TAMM41: variants seen among roughly 807,000 people sequenced by gnomAD.
TAMM41 encodes the protein TAM41 mitochondrial translocator assembly and maintenance homolog, also known as phosphatidate cytidylyltransferase, mitochondrial.
A neutral mutation model predicts 44.1 loss-of-function variants in TAMM41; 36 were observed. The ratio of observed to expected loss-of-function variants is 0.82; its 90% CI spans 0.63 to 1.08. The LOEUF (loss-of-function observed/expected upper bound fraction) is 1.08. Among genes scored for constraint, TAMM41 ranks in the 50% least tolerant of loss-of-function variants. TAMM41 has a pLI of 0.00. For missense variants in TAMM41, 417 were observed against 404.3 expected (o/e 1.03, Z -0.27); for synonymous variants, 164 against 153.1 (o/e 1.07, Z -0.53).
At chr3:11,798,996 C>T (rs577104041) in intron 7 of TAMM41, among the ~76,000 whole-genome samples, 23 of 152,272 alleles carry the variant, frequency 1.5e-4, no homozygotes, top group Admixed American at 9.8e-4. Context: ...GGGAGGATCA[C>T]TTGAGCCCAG....
chr3:11,814,086 G>C (rs1285679994), intron 5 of TAMM41, among the ~76,000 whole-genome samples: 1 of 152,094 alleles, frequency 6.6e-6, no homozygotes, highest in Admixed American at 6.5e-5. Flanking sequence ...GCTGAGGTGA[G>C]AGGATCACTT....
chr3:11,814,251 A>G (rs2078201907), intron 5 of TAMM41, among the ~76,000 whole-genome samples: 1 of 152,142 alleles, frequency 6.6e-6, no homozygotes, highest in Non-Finnish European at 1.5e-5. Flanking sequence ...AAAAGCTTCT[A>G]ACATAACAGA....
chr3:11,735,531 G>C, the TAMM41 span, among the ~76,000 whole-genome samples: 1 of 151,274 alleles, frequency 6.6e-6, no homozygotes, highest in Non-Finnish European at 1.5e-5. Flanking sequence ...CTACTTGGGG[G>C]TGCTGAGGCG....
the TAMM41 span, among the ~76,000 whole-genome samples, chr3:11,742,832 G>A: frequency 1.3e-5 from 2 of 152,086 alleles, no homozygotes; most frequent in East Asian, 1.9e-4. Context: ...CAGGACTCAA[G>A]CGATCTTCCT....
chr3:11,808,624 C>T (rs2077991336), intron 6 of TAMM41: 1 of 985,202 alleles, frequency 1.0e-6, no homozygotes, highest in Non-Finnish European at 1.2e-6. Context: ...GACAGAGGGA[C>T]TCATTCTCAA....
the TAMM41 span, among the ~76,000 whole-genome samples, chr3:11,777,432 T>C: frequency 4.6e-5 from 7 of 152,216 alleles, no homozygotes; most frequent in South Asian, 2.1e-4. Context: ...AGAAGCAGCA[T>C]TGAAAAACTT....
At chr3:11,822,370 T>C (rs1193341241) in intron 4 of TAMM41, among the ~76,000 whole-genome samples, 2 of 152,236 alleles carry the variant, frequency 1.3e-5, no homozygotes, top group African/African-American at 4.8e-5. Flanking sequence ...TAATTCTGTT[T>C]ACAGAGTTGT....
the TAMM41 span, among the ~76,000 whole-genome samples, chr3:11,729,534 CTTTCATTT>C: frequency 2.3e-5 from 1 of 43,044 alleles, no homozygotes; most frequent in African/African-American, 9.0e-5. Context: ...TCTTTTCTTT[CTTTCATTT>C]TTTTTTTTTT....
At chr3:11,805,190 C>T (rs1251157789) in intron 7 of TAMM41, among the ~76,000 whole-genome samples, 4 of 152,036 alleles carry the variant, frequency 2.6e-5, no homozygotes, top group African/African-American at 7.2e-5. Flanking sequence ...TTAGTAGAGA[C>T]GGGGTTTCAC....
At chr3:11,781,758 AATAATAATAATAATAATAATAATC>A in the TAMM41 span, among the ~76,000 whole-genome samples, 10 of 122,416 alleles carry the variant, frequency 8.2e-5, no homozygotes, top group South Asian at 3.0e-4. Context: ...TAATAATAAT[AATAATAATAATAATAATAATAATC>A]ATACAAATAA....
intron 2 of TAMM41, among the ~76,000 whole-genome samples, chr3:11,842,309 G>A (rs570004322): frequency 4.0e-5 from 6 of 150,580 alleles, no homozygotes; most frequent in East Asian, 2.0e-4. Flanking sequence ...CAGGAGAATC[G>A]CTTGAACCTG....
the TAMM41 span, among the ~76,000 whole-genome samples, chr3:11,734,916 G>A: frequency 1.3e-5 from 2 of 151,136 alleles, no homozygotes; most frequent in Non-Finnish European, 2.9e-5. Context: ...AGGTGTGGTG[G>A]CGGGCGCCTG....
intron 3 of TAMM41, chr3:11,832,943 G>A (rs1352540996): frequency 1.0e-6 from 1 of 991,896 alleles, no homozygotes; most frequent in Non-Finnish European, 1.2e-6. Context: ...TACATAGGCT[G>A]TAAGAAAGCA....
At chr3:11,762,125 C>A in the TAMM41 span, among the ~76,000 whole-genome samples, 2 of 151,994 alleles carry the variant, frequency 1.3e-5, no homozygotes, top group East Asian at 3.9e-4. Context: ...CCCTGCAGGC[C>A]CATTCGTCAC....
chr3:11,821,324 C>A (rs543801840), intron 4 of TAMM41, among the ~76,000 whole-genome samples: 1 of 152,202 alleles, frequency 6.6e-6, no homozygotes. Flanking sequence ...TATTTTCCTG[C>A]AACTAGACAG....
intron 3 of TAMM41, among the ~76,000 whole-genome samples, chr3:11,838,732 C>T (rs1259378547): frequency 2.6e-5 from 4 of 152,088 alleles, no homozygotes; most frequent in African/African-American, 7.2e-5. Flanking sequence ...ACTGCCTATG[C>T]ACAACTGATT....
At chr3:11,732,462 A>G in the TAMM41 span, among the ~76,000 whole-genome samples, 1 of 152,172 alleles carries the variant, frequency 6.6e-6, no homozygotes, top group Admixed American at 6.5e-5. Context: ...TCTAACACGG[A>G]GGTGTTGGGG....
intron 2 of TAMM41, among the ~76,000 whole-genome samples, chr3:11,841,087 T>A (rs1274004172): frequency 7.1e-6 from 1 of 141,782 alleles, no homozygotes; most frequent in African/African-American, 2.6e-5. Flanking sequence ...TTTTTTTTTT[T>A]TTTTTTTTTT....
the TAMM41 span, among the ~76,000 whole-genome samples, chr3:11,734,631 A>C: frequency 6.6e-6 from 1 of 152,222 alleles, no homozygotes; most frequent in Non-Finnish European, 1.5e-5. Context: ...CACATAGTTC[A>C]TTGAGTGTCT....
Sources: allele counts gnomAD v4.1 joint callset (sites outside exome capture counted in the v4.1 genomes callset), GRCh38; gene constraint gnomAD v4.1.1; transcripts MANE v1.5; gene names NCBI Gene and HGNC (gene_info 2026-07-23, HGNC 2026-07-21).